KLF7: variants seen among roughly 807,000 people sequenced by gnomAD.
KLF7 encodes the protein Krueppel-like factor 7.
Under a neutral mutation model 27.3 loss-of-function variants are expected in KLF7, and 2 were observed. The ratio of observed to expected loss-of-function variants is 0.07; its 90% CI spans 0.03 to 0.23. The LOEUF is 0.23. Ranked by LOEUF, KLF7 falls within the 10% of genes least tolerant of loss-of-function variation. The pLI is 1.00. For missense variants in KLF7, 221 were observed against 394.1 expected (o/e 0.56, Z 3.72); for synonymous variants, 165 against 162.4 (o/e 1.02, Z -0.12).
At chr2:207,170,225 G>A (rs1158551958), upstream of KLF7, among the ~76,000 whole-genome samples, 1 of 152,170 alleles carries the variant, frequency 6.6e-6, no homozygotes, top group Non-Finnish European at 1.5e-5. Flanking sequence ...GTGGATGGAA[G>A]ATCAAACCAG....
At chr2:207,133,444 G>A (rs1050536747) in intron 1 of KLF7, among the ~76,000 whole-genome samples, 8 of 152,148 alleles carry the variant, frequency 5.3e-5, no homozygotes, top group African/African-American at 1.4e-4. Context: ...GCAACCAGTC[G>A]GTCCCTGCTC....
At chr2:207,117,643 T>C (rs1333053601) in intron 2 of KLF7, among the ~76,000 whole-genome samples, 1 of 152,200 alleles carries the variant, frequency 6.6e-6, no homozygotes, top group Non-Finnish European at 1.5e-5. Context: ...CACTAGCAGG[T>C]TGAAAGTGGT....
chr2:207,152,293 A>G (rs201602048), intron 1 of KLF7, among the ~76,000 whole-genome samples: 49 of 10,490 alleles, frequency 4.7e-3, no homozygotes, highest in African/African-American at 4.8e-3. Context: ...ACACACACAC[A>G]CACACACACA....
At chr2:207,102,930 TTTA>T in intron 2 of KLF7, among the ~76,000 whole-genome samples, 2 of 152,170 alleles carry the variant, frequency 1.3e-5, no homozygotes, top group South Asian at 4.2e-4. Context: ...AAGCTGTACT[TTTA>T]TTTATTTATT....
chr2:207,097,352 T>A (rs910783726), intron 2 of KLF7, among the ~76,000 whole-genome samples: 2 of 152,108 alleles, frequency 1.3e-5, no homozygotes, highest in African/African-American at 4.8e-5. Context: ...AAGTCCCAAA[T>A]GAATAAAAAG....
chr2:207,086,747 T>C (rs748819267), intron 3 of KLF7, among the ~76,000 whole-genome samples: 1 of 152,214 alleles, frequency 6.6e-6, no homozygotes, highest in Non-Finnish European at 1.5e-5. Context: ...ACTTTGGCAA[T>C]TTCCCCATAA....
chr2:207,158,942 A>T (rs773571345), intron 1 of KLF7, among the ~76,000 whole-genome samples: 2 of 152,212 alleles, frequency 1.3e-5, no homozygotes, highest in Non-Finnish European at 2.9e-5. Context: ...TGAAACCATC[A>T]GTGTTAATAA....
rs1489330648 is a variant in KLF7, at chr2:207,093,246, T to A, written c.734-4665A>T. On this transcript the variant is annotated intron_variant, in intron 2 of 3. Transcript: ENST00000309446. ...CACCCAAAAAAAGGTTAAGATGAAA[T>A]TAAAGTGTAAAAGTTCCAATGGTTT... is the stretch of plus-strand genomic sequence containing the variant. 5.3e-5 allele frequency among the ~76,000 whole-genome samples: 8 copies of A among 152,176 alleles called. No individual in the cohort carries two copies. The East Asian group carries it at 1.5e-3, about 29-fold the overall frequency.
chr2:207,166,674 A>G (rs1007005593), upstream of KLF7: 1 of 419,962 alleles, frequency 2.4e-6, no homozygotes, highest in Admixed American at 6.4e-5. Flanking sequence ...CGGAGCGGGA[A>G]GGAAGGACAG....
chr2:207,112,665 C>T (rs1052683498), intron 2 of KLF7, among the ~76,000 whole-genome samples: 1 of 152,220 alleles, frequency 6.6e-6, no homozygotes, highest in African/African-American at 2.4e-5. Context: ...CTTTCTCAAC[C>T]ATTTAAAGTG....
upstream of KLF7, chr2:207,166,839 G>C: frequency 2.9e-6 from 3 of 1,035,270 alleles, no homozygotes; most frequent in Non-Finnish European, 3.5e-6. Context: ...AGCGCCTGAG[G>C]AGGAAGTGCC....
chr2:207,126,100 A>T (rs1286428984), intron 1 of KLF7, among the ~76,000 whole-genome samples: 1 of 152,224 alleles, frequency 6.6e-6, no homozygotes, highest in Non-Finnish European at 1.5e-5. Context: ...ACTCTACATT[A>T]GAAACCAGTA....
chr2:207,151,619 T>C (rs1219983889), intron 1 of KLF7, among the ~76,000 whole-genome samples: 5 of 152,184 alleles, frequency 3.3e-5, no homozygotes, highest in Non-Finnish European at 5.9e-5. Flanking sequence ...AATGTCTGCC[T>C]TTCCCTTTCT....
chr2:207,096,778 C>T (rs2076641608), intron 2 of KLF7, among the ~76,000 whole-genome samples: 1 of 152,160 alleles, frequency 6.6e-6, no homozygotes, highest in African/African-American at 2.4e-5. Context: ...CTAGCACAAA[C>T]GTTATACACA....
At chr2:207,084,356 C>T (rs145249175) in intron 3 of KLF7, among the ~76,000 whole-genome samples, 135 of 152,156 alleles carry the variant, frequency 8.9e-4, no homozygotes, top group Non-Finnish European at 9.6e-4. Flanking sequence ...TATATGTGTT[C>T]GGCTTTATAT....
rs1202147762 is a variant in KLF7, at chr2:207,074,264, C to T, written c.*6949G>A. ...AAAGAAAGCTTGACTACTGCTGTGT[C>T]CCATGTGACAAATGTGTTTTACTGC... On this transcript the variant is annotated 3_prime_UTR_variant, in exon 4 of 4. Coordinates refer to ENST00000309446, the MANE Select transcript of KLF7 (RefSeq NM_003709.4). 1 of 152,110 alleles carries T rather than the reference C, an allele frequency of 6.6e-6. No homozygotes were observed. Among genetic ancestry groups the T allele is most frequent in the Non-Finnish European group, 1.5e-5 (1 of 68,048 alleles). 9.4% of individuals were successfully genotyped at this position (152,110 alleles called of 1,614,324 possible).
upstream of KLF7, among the ~76,000 whole-genome samples, chr2:207,167,917 A>G (rs1387105163): frequency 3.9e-5 from 6 of 152,238 alleles, no homozygotes; most frequent in Non-Finnish European, 4.4e-5. Context: ...CACTTGAGCT[A>G]TGTAAACTAA....
At chr2:207,150,231 C>T (rs1331331221) in intron 1 of KLF7, among the ~76,000 whole-genome samples, 1 of 152,162 alleles carries the variant, frequency 6.6e-6, no homozygotes, top group Non-Finnish European at 1.5e-5. Context: ...AATAGTTATA[C>T]AATACTGTAT....
At chr2:207,141,111 C>A (rs2077929551) in intron 1 of KLF7, among the ~76,000 whole-genome samples, 1 of 151,936 alleles carries the variant, frequency 6.6e-6, no homozygotes, top group Non-Finnish European at 1.5e-5. Context: ...ATATATATAT[C>A]CTTCCCAATG....
Sources: allele counts gnomAD v4.1 joint callset (sites outside exome capture counted in the v4.1 genomes callset), GRCh38; gene constraint gnomAD v4.1.1; transcripts MANE v1.5; gene names NCBI Gene and HGNC (gene_info 2026-07-23, HGNC 2026-07-21).